Variants in ABCC12 observed in about 807,000 individuals in gnomAD.
ABCC12 encodes the protein ATP-binding cassette sub-family C member 12.
In ABCC12, 142 loss-of-function variants were observed where a neutral mutation model predicts 151.1. That is an observed-to-expected ratio of 0.94 (90% CI 0.82 to 1.08). The LOEUF is 1.08. Among genes scored for constraint, ABCC12 ranks in the 50% least tolerant of loss-of-function variants. The pLI is 0.00. For missense variants in ABCC12, 1,638 were observed against 1,691.1 expected, an observed-to-expected ratio of 0.97 and a Z score of 0.55; for synonymous variants, 645 against 646.4, an observed-to-expected ratio of 1.00 and a Z score of 0.03.
At chr16:48,118,021 T>C (rs1308585207) in intron 13 of ABCC12, among the ~76,000 whole-genome samples, 1 of 152,146 alleles carries the variant, frequency 6.6e-6, no homozygotes, top group Non-Finnish European at 1.5e-5. Flanking sequence ...CGTCACGCTC[T>C]GCCTAGCCCT....
Position 48,107,427 on chromosome 16 carries a change from T to C in ABCC12, c.2372-2A>G, listed in dbSNP as rs1285562135. The C allele has an allele frequency of 6.2e-6, 10 of 1,613,426 alleles. No individual in the cohort carries two copies. Among genetic ancestry groups the C allele is most frequent in the Non-Finnish European group, 7.6e-6 (9 of 1,179,548 alleles). On this transcript the variant is annotated splice_acceptor_variant, in intron 19 of 30. Coordinates refer to ENST00000311303, the MANE Select transcript of ABCC12 (RefSeq NM_001393797.1). LOFTEE classifies it high-confidence loss of function. ...CAGTGAAGAGAGAAAGGAGGTACCC[T>C]GCAAGAGGAGCGGAGAGGCCCAAGG...
In ABCC12 at chr16:48,100,953, G is replaced by A. The variant is rs770413564; in HGVS notation, c.2957C>T (p.Pro986Leu). The change falls in exon 23 of 31, where the codon CCC (proline) becomes CTC (leucine). Residue 986 changes from proline to leucine, a missense_variant. Coordinates refer to ENST00000311303, the MANE Select transcript of ABCC12 (RefSeq NM_001393797.1). Reference protein sequence around the residue: ...LKKVENVSRSPWFTHITSSMQ... With the variant: ...LKKVENVSRSLWFTHITSSMQ... ...GGAGGAGGTGATGTGGGTGAACCAG[G>A]GTGACCGGCTGACATTCTCCACCTT... 6 of 1,614,226 alleles carry A rather than the reference G, an allele frequency of 3.7e-6. No individual in the cohort carries two copies. The highest frequency in any genetic ancestry group is 2.2e-5 in the South Asian group (2 of 91,086).
intron 23 of ABCC12, among the ~76,000 whole-genome samples, chr16:48,099,018 T>C (rs1963210234): frequency 6.6e-6 from 1 of 152,210 alleles, no homozygotes; most frequent in Non-Finnish European, 1.5e-5. Flanking sequence ...GGGTCCGGAC[T>C]AGGTGCTGAC....
At chr16:48,106,006 G>A (rs762787006) in intron 20 of ABCC12, among the ~76,000 whole-genome samples, 2 of 152,140 alleles carry the variant, frequency 1.3e-5, no homozygotes, top group African/African-American at 2.4e-5. Context: ...CAATTTTGCC[G>A]GCACTTCTGA....
intron 3 of ABCC12, among the ~76,000 whole-genome samples, chr16:48,144,420 TTTTTCC>T (rs1459169972): frequency 1.3e-5 from 2 of 151,680 alleles, no homozygotes; most frequent in South Asian, 4.1e-4. Context: ...TCTTCCTTCT[TTTTTCC>T]CCTCCCATTC....
At position 48,140,753 on chromosome 16, in the gene ABCC12, C is replaced by T. The variant is rs199827231; in HGVS notation, c.591G>A (p.Ala197=). The stretch of plus-strand genomic sequence containing the variant: ...GGTTTTCAAAAACCAAGGTGGAGAG[C>T]GCCACCTTCAACCGGATGGCCGTGC... The part of the protein sequence containing the change: ...NYRTAIRLKV[A]LSTLVFENLV... The change falls in exon 6 of 31, where the codon GCG becomes GCA. Residue 197 remains alanine (A), a synonymous_variant. Coordinates refer to ENST00000311303, the MANE Select transcript of ABCC12 (RefSeq NM_001393797.1). 1.7e-4 allele frequency: 276 copies of T among 1,614,168 alleles called. No individual in the cohort carries two copies. The highest frequency in any genetic ancestry group is 4.5e-4 in the African/African-American group (34 of 75,034).
At position 48,133,690 on chromosome 16, in the gene ABCC12, G is replaced by A. The variant is rs1366027470; in HGVS notation, c.1125C>T (p.Pro375=). 1.4e-5 allele frequency: 23 copies of A among 1,613,694 alleles called. No homozygotes were observed. The highest frequency in any genetic ancestry group is 3.3e-5 in the Admixed American group (2 of 59,958). ...TCGATCTGGAGCCAGCTCTTACCAC[G>A]GGTGCGGTGAGTTTGCGTCTCAGGA... ...HILLRRKLTA[P]VAFSVIAMFN... The change falls in exon 9 of 31, where the codon CCC becomes CCT. Residue 375 remains proline (P), a synonymous_variant. Coordinates refer to ENST00000311303, the MANE Select transcript of ABCC12 (RefSeq NM_001393797.1).
rs1236655240 is a variant in ABCC12 at position 48,102,100 on chromosome 16, G to A, written c.2901-1091C>T. 2.6e-5 allele frequency among the ~76,000 whole-genome samples: 4 copies of A among 152,154 alleles called. No homozygotes were observed. In the East Asian group the frequency reaches 7.7e-4, roughly 29 times the overall value. On this transcript the variant is annotated intron_variant, in intron 22 of 30. Coordinates refer to ENST00000311303, the MANE Select transcript of ABCC12 (RefSeq NM_001393797.1). ...CCGCCTAGGTAACAAAAGGCTCAAA[G>A]GCTACTCTCCTTGCACACCTGCCCC... is the stretch of plus-strand genomic sequence containing the variant.
chr16:48,083,892 A>G lies in ABCC12; in HGVS notation c.3993+17T>C. Reference sequence around the variant, plus strand: ...CTGGACTTTCTGGGGAGGTGAAGCCAAAAGAGCTTCCTATACCTTCCCATT... The same window carrying G: ...CTGGACTTTCTGGGGAGGTGAAGCCGAAAGAGCTTCCTATACCTTCCCATT... On this transcript the variant is annotated intron_variant, in intron 30 of 30. Coordinates refer to ENST00000311303, the MANE Select transcript of ABCC12 (RefSeq NM_001393797.1). 3 of 1,612,530 alleles carry G rather than the reference A, an allele frequency of 1.9e-6. No homozygotes were observed. The highest frequency in any genetic ancestry group is 2.5e-6 in the Non-Finnish European group (3 of 1,179,596).
At chr16:48,107,504 C>A (rs1369328484) in intron 19 of ABCC12, 79 bp from the exon 20 acceptor site, 33 of 1,269,652 alleles carry the variant, frequency 2.6e-5, no homozygotes. Flanking sequence ...GGACCCAACC[C>A]TGATGGGAAA....
rs1412015026 is a variant in ABCC12 at position 48,141,300 on chromosome 16, G to A, written c.329C>T (p.Ser110Phe). ...EVARVGPEKASLSHVVWKFQR... is the reference protein window; with the variant it reads ...EVARVGPEKAFLSHVVWKFQR... Reference sequence around the variant, plus strand: ...GAATTTCCACACCACGTGGCTCAGAGAGGCCTTCTCAGGACCCACCCTTGC... The same window carrying A: ...GAATTTCCACACCACGTGGCTCAGAAAGGCCTTCTCAGGACCCACCCTTGC... Residue 110 changes from serine (S) to phenylalanine (F), a missense_variant, in exon 5 of 31, where the codon TCT (serine) becomes TTT (phenylalanine). Coordinates refer to ENST00000311303, the MANE Select transcript of ABCC12 (RefSeq NM_001393797.1). 1.2e-6 allele frequency: 2 copies of A among 1,614,216 alleles called. No homozygotes were observed. Among genetic ancestry groups the A allele is most frequent in the East Asian group, 2.2e-5 (1 of 44,874 alleles).
intron 22 of ABCC12, among the ~76,000 whole-genome samples, chr16:48,102,076 C>T (rs546722321): frequency 3.9e-5 from 6 of 152,174 alleles, no homozygotes; most frequent in African/African-American, 4.8e-5. Flanking sequence ...CAACTTTCCC[C>T]GCCTAGGTAA....
At position 48,128,749 on chromosome 16, in the gene ABCC12, G is replaced by A; in HGVS notation, c.1237-12C>T. The stretch of plus-strand genomic sequence containing the variant: ...TCTATGAGAATTTTCTAAGATTAAA[G>A]AGACAAAATTAACTGAGCAGATGTC... On this transcript the variant is annotated splice_polypyrimidine_tract_variant and intron_variant, in intron 10 of 30. Transcript: ENST00000311303. The A allele has an allele frequency of 6.2e-7, 1 of 1,608,914 alleles. No homozygotes were observed. The highest frequency in any genetic ancestry group is 1.1e-5 in the South Asian group (1 of 90,774).
intron 8 of ABCC12, among the ~76,000 whole-genome samples, chr16:48,137,679 C>T (rs1391041380): frequency 1.3e-5 from 2 of 152,198 alleles, no homozygotes; most frequent in Non-Finnish European, 2.9e-5. Context: ...GAGTCTATGT[C>T]AGCAATTATG....
At chr16:48,131,556 A>G (rs1417486974) in intron 9 of ABCC12, among the ~76,000 whole-genome samples, 2 of 152,294 alleles carry the variant, frequency 1.3e-5, no homozygotes, top group South Asian at 2.1e-4. Flanking sequence ...TGTGCCCTGC[A>G]TAGTGGGTGG....
At chr16:48,131,222 T>C (rs1035454643) in intron 9 of ABCC12, among the ~76,000 whole-genome samples, 1 of 152,204 alleles carries the variant, frequency 6.6e-6, no homozygotes, top group Non-Finnish European at 1.5e-5. Context: ...GCATCCTCAT[T>C]TGAATCTAGA....
In ABCC12 at chr16:48,088,588, T is replaced by A. The variant is rs537427717; in HGVS notation, c.3432A>T (p.Ile1144=). The stretch of plus-strand genomic sequence containing the variant: ...CAATCCCGACTGTCTGCCCACTTTG[T>A]ATGTTCAAGTTCAGGCTGTCGAGAA... ...PLVLDSLNLN[I]QSGQTVGIVG... is the part of the protein sequence containing the mutation. Residue 1144 remains isoleucine, a synonymous_variant, in exon 26 of 31, where the codon ATA becomes ATT. Transcript: ENST00000311303. 6.2e-7 allele frequency: 1 copy of A among 1,614,230 alleles called. No individual in the cohort carries two copies. The highest frequency in any genetic ancestry group is 8.5e-7 in the Non-Finnish European group (1 of 1,180,042).
chr16:48,138,184 T>A (rs1180944097), intron 8 of ABCC12, 44 bp downstream of exon 8: 1 of 1,557,874 alleles, frequency 6.4e-7, no homozygotes, highest in Non-Finnish European at 8.7e-7. Flanking sequence ...GAAGAGCATA[T>A]TCTACAAGGT....
At position 48,140,912 on chromosome 16, in the gene ABCC12, G is replaced by GT. The variant is rs763325214; in HGVS notation, c.431_432insA (p.Ile145HisfsTer9). The GT allele has an allele frequency of 1.9e-6, 3 of 1,613,764 alleles. No homozygotes were observed. In the Admixed American group the frequency reaches 5.0e-5, roughly 27 times the overall value. On this transcript the variant is annotated frameshift_variant, in exon 6 of 31. Coordinates refer to ENST00000311303, the MANE Select transcript of ABCC12 (RefSeq NM_001393797.1). LOFTEE classifies it high-confidence loss of function. The stretch of plus-strand genomic sequence containing the variant: ...CAGTCTGCTGGAGGATTTGGTGAAT[G>GT]AGAACTGTCTGTAAAACAGCATGGT...
Sources: gnomAD v4.1 joint callset for allele counts (sites outside exome capture counted in the v4.1 genomes callset) on GRCh38, gnomAD v4.1.1 for gene constraint, MANE v1.5 for transcripts, NCBI Gene and HGNC (gene_info 2026-07-23, HGNC 2026-07-21) for gene names.